Variants in CCSER1 observed in about 807,000 individuals in gnomAD.
The protein encoded by CCSER1 is coiled-coil serine rich protein 1.
CCSER1 carries 41 observed loss-of-function variants against 82.0 expected under a neutral mutation model. The ratio of observed to expected loss-of-function variants is 0.50; its 90% CI spans 0.39 to 0.65. The LOEUF (loss-of-function observed/expected upper bound fraction) is 0.65. CCSER1 is among the 30% of genes least tolerant of loss of function. The probability of loss-of-function intolerance (pLI) is 0.00; values close to 1 mark genes in which losing one functional copy is unlikely to be tolerated. For synonymous variants in CCSER1, 414 were observed against 383.9 expected (o/e 1.08, Z -0.92); for missense variants, 1,119 against 1,064.2 (o/e 1.05, Z -0.72).
intron 10 of CCSER1, among the ~76,000 whole-genome samples, chr4:91,141,178 CAG>C (rs1326005860): frequency 1.0e-4 from 15 of 148,624 alleles, no homozygotes; most frequent in Admixed American, 3.4e-4. Flanking sequence ...CTTTTTGAGA[CAG>C]AGTCTCACTG....
At chr4:91,312,743 A>G (rs1226365569) in intron 10 of CCSER1, among the ~76,000 whole-genome samples, 1 of 151,918 alleles carries the variant, frequency 6.6e-6, no homozygotes, top group East Asian at 1.9e-4. Context: ...GGTCCAATGT[A>G]CATTATTCAG....
intron 10 of CCSER1, among the ~76,000 whole-genome samples, chr4:91,231,783 G>A (rs565667954): frequency 1.3e-5 from 2 of 151,734 alleles, no homozygotes; most frequent in South Asian, 4.1e-4. Flanking sequence ...AGGTATCAAA[G>A]TCATACCAAG....
At chr4:90,808,990 A>G (rs560226766) in intron 7 of CCSER1, among the ~76,000 whole-genome samples, 2 of 152,320 alleles carry the variant, frequency 1.3e-5, no homozygotes, top group African/African-American at 4.8e-5. Flanking sequence ...GAATCAATTT[A>G]AGTGCCCATC....
intron 1 of CCSER1, among the ~76,000 whole-genome samples, chr4:90,140,363 T>A (rs1041079801): frequency 6.6e-6 from 1 of 152,208 alleles, no homozygotes; most frequent in Admixed American, 6.5e-5. Context: ...TAGGACTCCT[T>A]AGGGACCAGA....
chr4:90,761,334 A>G (rs893029394), intron 7 of CCSER1, among the ~76,000 whole-genome samples: 1 of 152,162 alleles, frequency 6.6e-6, no homozygotes, highest in Non-Finnish European at 1.5e-5. Flanking sequence ...ATCTGATCAC[A>G]CTGCTTGGAA....
intron 6 of CCSER1, among the ~76,000 whole-genome samples, chr4:90,643,836 G>T (rs1727010294): frequency 6.6e-6 from 1 of 152,048 alleles, no homozygotes; most frequent in African/African-American, 2.4e-5. Context: ...TATAAATGTT[G>T]TTGTAAAGGT....
intron 4 of CCSER1, among the ~76,000 whole-genome samples, chr4:90,427,454 A>G (rs151194010): frequency 6.6e-6 from 1 of 151,166 alleles, no homozygotes; most frequent in Non-Finnish European, 1.5e-5. Flanking sequence ...ATTAATAAAT[A>G]TTATAAATAT....
Position 91,385,501 on chromosome 4 carries a change from CT to C in CCSER1, c.2218-213067del, listed in dbSNP as rs528744908. On this transcript the variant is annotated intron_variant, in intron 10 of 10. Coordinates refer to ENST00000509176, the MANE Select transcript of CCSER1 (RefSeq NM_001145065.2). ...ACTATGCTTTTCTGCATTGTTCTGA[CT>C]TTTAGATGGAGGTTAATGTTTATAT... 3.1e-3 allele frequency among the ~76,000 whole-genome samples: 477 copies of C among 151,950 alleles called. 4 individuals carry two copies. Among genetic ancestry groups the C allele is most frequent in the African/African-American group, 0.011 (441 of 41,484 alleles).
At chr4:91,110,301 A>AAC (rs1477726570) in intron 10 of CCSER1, among the ~76,000 whole-genome samples, 1 of 151,526 alleles carries the variant, frequency 6.6e-6, no homozygotes, top group Non-Finnish European at 1.5e-5. Context: ...CACTAGGAAA[A>AAC]AAATAAACTT....
At chr4:91,146,566 T>C (rs1030564902) in intron 10 of CCSER1, among the ~76,000 whole-genome samples, 1 of 78,968 alleles carries the variant, frequency 1.3e-5, no homozygotes, top group Non-Finnish European at 3.2e-5. Context: ...CTTTGTTTCT[T>C]TCTTTATCTT....
chr4:91,361,945 G>A (rs1307322993), intron 10 of CCSER1, among the ~76,000 whole-genome samples: 1 of 151,630 alleles, frequency 6.6e-6, no homozygotes, highest in Non-Finnish European at 1.5e-5. Context: ...AGGGTATTTG[G>A]CGCTATTTTA....
intron 10 of CCSER1, among the ~76,000 whole-genome samples, chr4:91,477,610 C>A (rs149884848): frequency 6.6e-6 from 1 of 151,644 alleles, no homozygotes; most frequent in African/African-American, 2.4e-5. Context: ...TACTTTTTCA[C>A]ATGTATGTCA....
rs1554057227 is a variant in CCSER1 at position 91,017,841 on chromosome 4, G to GTGTGTA, written c.2173-68108_2173-68107insGTGTAT. The stretch of plus-strand genomic sequence containing the variant: ...TGTGTGTGTGTGTGTGTGTGTGTGT[G>GTGTGTA]TATAAATTTTTTTAAGAGTCTCACT... On this transcript the variant is annotated intron_variant, in intron 9 of 10. Transcript: ENST00000509176. Among the ~76,000 whole-genome samples, 243 of 142,416 alleles carry GTGTGTA rather than the reference G, an allele frequency of 1.7e-3. 2 individuals are homozygous for GTGTGTA. Among genetic ancestry groups the GTGTGTA allele is most frequent in the Non-Finnish European group, 2.5e-3 (160 of 64,838 alleles). 93.4% of individuals were successfully genotyped at this position (142,416 alleles called of 152,430 possible). A position where few individuals can be genotyped will look rare whatever the true frequency, so the allele number is the denominator to read the frequency against.
intron 5 of CCSER1, among the ~76,000 whole-genome samples, chr4:90,578,127 C>T (rs999612208): frequency 6.6e-6 from 1 of 152,032 alleles, no homozygotes; most frequent in African/African-American, 2.4e-5. Flanking sequence ...AAAATGATTA[C>T]TTTGAGGATT....
intron 10 of CCSER1, among the ~76,000 whole-genome samples, chr4:91,088,429 C>G (rs141720528): frequency 6.6e-6 from 1 of 151,692 alleles, no homozygotes; most frequent in Non-Finnish European, 1.5e-5. Flanking sequence ...GTGGTAAATA[C>G]CATTAAAAAA....
At chr4:90,270,410 A>G (rs780693335) in intron 1 of CCSER1, among the ~76,000 whole-genome samples, 4 of 152,238 alleles carry the variant, frequency 2.6e-5, no homozygotes, top group Non-Finnish European at 5.9e-5. Context: ...GACAAACACC[A>G]TATGATCATT....
chr4:90,583,297 G>A (rs1161550188), intron 5 of CCSER1, among the ~76,000 whole-genome samples: 3 of 152,004 alleles, frequency 2.0e-5, no homozygotes. Flanking sequence ...CTCCTCAGTA[G>A]CTGGGATTAG....
Position 90,142,155 on chromosome 4 carries a change from C to A in CCSER1, c.-42+14324C>A, listed in dbSNP as rs140126816. 3.7e-3 allele frequency among the ~76,000 whole-genome samples: 563 copies of A among 152,234 alleles called. 5 individuals are homozygous for A. Among genetic ancestry groups the A allele is most frequent in the African/African-American group, 0.013 (525 of 41,524 alleles). On this transcript the variant is annotated intron_variant, in intron 1 of 10. Coordinates refer to ENST00000509176, the MANE Select transcript of CCSER1 (RefSeq NM_001145065.2). The stretch of plus-strand genomic sequence containing the variant: ...GGATTTGTCTGCCTGGCTTTGGAGG[C>A]CCTTTGTGAGCTCACCACACTTTGT...
chr4:91,250,270 A>G (rs1416593487), intron 10 of CCSER1, among the ~76,000 whole-genome samples: 9 of 151,988 alleles, frequency 5.9e-5, no homozygotes, highest in South Asian at 2.1e-4. Flanking sequence ...AATGGATTGG[A>G]TTTCTGTTTC....
Sources: gnomAD v4.1 joint callset for allele counts (sites outside exome capture counted in the v4.1 genomes callset) on GRCh38, gnomAD v4.1.1 for gene constraint, MANE v1.5 for transcripts, NCBI Gene and HGNC (gene_info 2026-07-23, HGNC 2026-07-21) for gene names.